Variants in HNRNPK observed in about 807,000 individuals in gnomAD.
The protein encoded by HNRNPK is heterogeneous nuclear ribonucleoprotein K, also known as dC-stretch binding protein.
Under a neutral mutation model 67.0 loss-of-function variants are expected in HNRNPK, and 7 were observed. The ratio of observed to expected loss-of-function variants is 0.10; its 90% confidence interval spans 0.06 to 0.20. The LOEUF (loss-of-function observed/expected upper bound fraction) is 0.20. HNRNPK is among the 10% of genes least tolerant of loss of function. The pLI is 1.00. For synonymous variants in HNRNPK, 213 were observed against 193.7 expected (o/e 1.10, Z -0.83); for missense variants, 264 against 606.5 (o/e 0.44, Z 5.93).
chr9:83,969,593 A>T, intron 16 of HNRNPK, 153 bp from the exon 17 acceptor site: 2 of 639,036 alleles, frequency 3.1e-6, no homozygotes, highest in Non-Finnish European at 2.8e-6. Flanking sequence ...AAATTAAAGC[A>T]ATGTTAAGTG....
In HNRNPK at chr9:83,968,644, T is replaced by C. The variant is rs904844500; in HGVS notation, c.*763A>G. The C allele has an allele frequency of 6.6e-6, 1 of 152,556 alleles. No homozygotes were observed. The highest frequency in any genetic ancestry group is 1.5e-5 in the Non-Finnish European group (1 of 68,020). 9.5% of individuals were successfully genotyped at this position (152,556 alleles called of 1,614,324 possible). On this transcript the variant is annotated 3_prime_UTR_variant, in exon 17 of 17. Coordinates refer to ENST00000376263, the MANE Select transcript of HNRNPK (RefSeq NM_031263.4). Reference sequence around the variant, plus strand: ...ATTGTTGAAAAGTAGGGGCAAGCATTTGCAAAAACAAACAAAAAATCCCCA... The same window carrying C: ...ATTGTTGAAAAGTAGGGGCAAGCATCTGCAAAAACAAACAAAAAATCCCCA...
At chr9:83,970,419 T>C in intron 15 of HNRNPK, 88 bp from the exon 16 acceptor site, 3 of 1,061,698 alleles carry the variant, frequency 2.8e-6, no homozygotes, top group Admixed American at 2.3e-5. Context: ...TTATTAATTT[T>C]ATTCATTCAG....
chr9:83,971,257 A>T lies in HNRNPK; in HGVS notation c.1092+16T>A. On this transcript the variant is annotated intron_variant, in intron 13 of 16. Coordinates refer to ENST00000376263, the MANE Select transcript of HNRNPK (RefSeq NM_031263.4). ...AATTATCACTGATATACACACGAAC[A>T]ACTATGATACTCAACCTGTGGTTCA... is the stretch of plus-strand genomic sequence containing the variant. 1 of 1,527,402 alleles carries T rather than the reference A, an allele frequency of 6.5e-7. No homozygotes were observed. The highest frequency in any genetic ancestry group is 9.1e-7 in the Non-Finnish European group (1 of 1,101,402). 94.6% of individuals were successfully genotyped at this position (1,527,402 alleles called of 1,614,324 possible). A position where few individuals can be genotyped will look rare whatever the true frequency, so the allele number is the denominator to read the frequency against.
At position 83,969,899 on chromosome 9, in the gene HNRNPK, C is replaced by T. The variant is rs750960219; in HGVS notation, c.1361+263G>A. The stretch of plus-strand genomic sequence containing the variant: ...TCTACAGGCTCTGTACAATTTTTAA[C>T]AAGTGGTTTTGGCAGCAGTTTTCAC... On this transcript the variant is annotated intron_variant, in intron 16 of 16. Transcript: ENST00000376263. 6.7e-5 allele frequency: 41 copies of T among 615,466 alleles called. No individual in the cohort carries two copies. The African/African-American group carries it at 7.4e-4, about 11-fold the overall frequency. 38.1% of individuals were successfully genotyped at this position (615,466 alleles called of 1,614,324 possible).
At chr9:83,971,195 G>T in intron 13 of HNRNPK, 78 bp downstream of exon 13, 1 of 996,592 alleles carries the variant, frequency 1.0e-6, no homozygotes, top group Non-Finnish European at 1.6e-6. Context: ...ATCCTCAGGG[G>T]AATAAAAAAC....
At chr9:83,974,281 T>C (rs554873307) in intron 7 of HNRNPK, among the ~76,000 whole-genome samples, 12 of 116,520 alleles carry the variant, frequency 1.0e-4, no homozygotes, top group Non-Finnish European at 2.1e-4. Context: ...ACTAAACCCA[T>C]GAAAGCACAT....
chr9:83,969,105 CCAA>C lies in HNRNPK; in HGVS notation c.*299_*301del, dbSNP rs1172702285. The stretch of plus-strand genomic sequence containing the variant: ...TACATGGGGGGAATTTTTTAAACCA[CCAA>C]CAATAACGAAAAATAAAATCCACTC... On this transcript the variant is annotated 3_prime_UTR_variant, in exon 17 of 17. Coordinates refer to ENST00000376263, the MANE Select transcript of HNRNPK (RefSeq NM_031263.4). 10 of 507,640 alleles carry C rather than the reference CCAA, an allele frequency of 2.0e-5. No individual in the cohort carries two copies. The highest frequency in any genetic ancestry group is 1.6e-4 in the East Asian group (5 of 31,694). 31.4% of individuals were successfully genotyped at this position (507,640 alleles called of 1,614,324 possible). A position where few individuals can be genotyped will look rare whatever the true frequency, so the allele number is the denominator to read the frequency against.
chr9:83,974,748 ATT>A, intron 6 of HNRNPK, 159 bp from the exon 7 acceptor site: 1 of 593,238 alleles, frequency 1.7e-6, no homozygotes, highest in Non-Finnish European at 3.0e-6. Flanking sequence ...TCTCACATGC[ATT>A]TTGTTTTATA....
At chr9:83,973,240 A>G (rs753485538) in intron 9 of HNRNPK, 46 bp downstream of exon 9, 8 of 1,126,086 alleles carry the variant, frequency 7.1e-6, no homozygotes, top group Admixed American at 3.5e-5. Flanking sequence ...TCTATATGAA[A>G]ATTTACTTTC....
chr9:83,971,885 C>A lies in HNRNPK; in HGVS notation c.950G>T (p.Gly317Val). Residue 317 changes from glycine (G) to valine (V), a missense_variant, in exon 11 of 17, where the codon GGG becomes GTG. This residue lies in a region of HNRNPK where 142 missense variants were observed against 256.5 expected (regional missense o/e 0.55). Transcript: ENST00000376263. ...AACAACAAAAAAAACAACTTACCCCCCTCTAGGTGGTGGTGGTGGAGGAAG... is the reference window on the plus strand; with the variant it reads ...AACAACAAAAAAAACAACTTACCCCACTCTAGGTGGTGGTGGTGGAGGAAG... ...LPLPPPPPPR[G>V]GDLMAYDRRG... The A allele has an allele frequency of 1.3e-6, 2 of 1,557,474 alleles. No individual in the cohort carries two copies. Among genetic ancestry groups the A allele is most frequent in the South Asian group, 1.2e-5 (1 of 82,094 alleles).
At chr9:83,970,638 G>T in intron 15 of HNRNPK, 99 bp downstream of exon 15, 1 of 839,872 alleles carries the variant, frequency 1.2e-6, no homozygotes, top group Non-Finnish European at 1.9e-6. Context: ...AATCCTAAAT[G>T]TGTATTTTTG....
chr9:83,975,582 C>G, intron 5 of HNRNPK, 77 bp from the exon 6 acceptor site: 1 of 1,241,522 alleles, frequency 8.1e-7, no homozygotes, highest in Non-Finnish European at 1.2e-6. Flanking sequence ...GTATGGTACC[C>G]GTTTGGCAAC....
chr9:83,979,735 C>A (rs947460507), intron 1 of HNRNPK, among the ~76,000 whole-genome samples: 1 of 152,102 alleles, frequency 6.6e-6, no homozygotes, highest in African/African-American at 2.4e-5. Flanking sequence ...ATCCTCCCCC[C>A]ACTGCCCGAG....
At chr9:83,978,083 A>C (rs1222118612) in intron 3 of HNRNPK, 112 bp downstream of exon 3, 1 of 714,546 alleles carries the variant, frequency 1.4e-6, no homozygotes, top group East Asian at 2.6e-5. Context: ...GCAGAATTAC[A>C]TAAACAGTAA....
chr9:83,975,658 G>A, intron 5 of HNRNPK, 153 bp from the exon 6 acceptor site: 2 of 720,846 alleles, frequency 2.8e-6, no homozygotes, highest in South Asian at 1.5e-5. Flanking sequence ...ATGGGCCAAC[G>A]TCATGGTGGG....
chr9:83,972,753 C>T (rs1476579981), intron 10 of HNRNPK, 91 bp downstream of exon 10: 1 of 913,844 alleles, frequency 1.1e-6, no homozygotes, highest in African/African-American at 1.7e-5. Flanking sequence ...CAAATAAAGA[C>T]TATTAGACTA....
chr9:83,972,224 A>G, intron 10 of HNRNPK, 35 bp from the exon 11 acceptor site: 1 of 1,471,600 alleles, frequency 6.8e-7, no homozygotes, highest in Non-Finnish European at 9.2e-7. Flanking sequence ...TACAGACTGA[A>G]GAAAAAGAGT....
At chr9:83,979,956 A>T (rs1027923196) in intron 1 of HNRNPK, among the ~76,000 whole-genome samples, 197 bp downstream of exon 1, 1 of 152,060 alleles carries the variant, frequency 6.6e-6, no homozygotes, top group Non-Finnish European at 1.5e-5. Context: ...ACGAATCCCC[A>T]AGTCTCTAGG....
chr9:83,973,178 C>T, intron 9 of HNRNPK, 108 bp downstream of exon 9: 1 of 801,824 alleles, frequency 1.2e-6, no homozygotes, highest in Non-Finnish European at 2.1e-6. Context: ...TTGCGATAAG[C>T]AATCTTTGGA....
Sources: allele counts gnomAD v4.1 joint callset (sites outside exome capture counted in the v4.1 genomes callset), GRCh38; gene constraint gnomAD v4.1.1; regional missense constraint gnomAD v4.1.1; transcripts MANE v1.5; gene names NCBI Gene and HGNC (gene_info 2026-07-23, HGNC 2026-07-21).